CCDC73: variants seen among roughly 807,000 people sequenced by gnomAD.
CCDC73 encodes the protein coiled-coil domain-containing protein 73.
CCDC73 carries 95 observed loss-of-function variants against 116.5 expected under a neutral mutation model. That is an observed-to-expected ratio of 0.82 (90% CI 0.69 to 0.97). The LOEUF (loss-of-function observed/expected upper bound fraction) is 0.97, where lower values mean the gene tolerates loss of function less well. Among genes scored for constraint, CCDC73 ranks in the 50% least tolerant of loss-of-function variants. The pLI, the probability that CCDC73 is intolerant of heterozygous loss-of-function variation, is 0.00. For missense variants in CCDC73, 1,066 were observed against 1,206.8 expected (o/e 0.88, Z 1.73); for synonymous variants, 398 against 401.3 (o/e 0.99, Z 0.10).
At chr11:32,776,989 GTATATATATA>G (rs71063758) in intron 1 of CCDC73, among the ~76,000 whole-genome samples, 2,652 of 101,088 alleles carry the variant, frequency 0.026, 67 homozygotes, top group African/African-American at 0.067. Flanking sequence ...ATATACACAT[GTATATATATA>G]TATATATATA....
At chr11:32,721,047 C>T (rs1849985502) in intron 2 of CCDC73, among the ~76,000 whole-genome samples, 2 of 152,166 alleles carry the variant, frequency 1.3e-5, no homozygotes, top group African/African-American at 4.8e-5. Flanking sequence ...GAGACACAGT[C>T]TCGCTCTGTC....
At chr11:32,712,596 TGAAAAA>T (rs1849909789) in intron 3 of CCDC73, among the ~76,000 whole-genome samples, 1 of 151,850 alleles carries the variant, frequency 6.6e-6, no homozygotes, top group Admixed American at 6.6e-5. Context: ...GCATGAAAAC[TGAAAAA>T]GAAAAACTCA....
At chr11:32,820,310 G>A in the CCDC73 span, among the ~76,000 whole-genome samples, 121 of 151,922 alleles carry the variant, frequency 8.0e-4, no homozygotes, top group Middle Eastern at 3.4e-3. Context: ...GTGACACCAC[G>A]CCCCACTAAT....
the CCDC73 span, among the ~76,000 whole-genome samples, chr11:32,808,197 G>A: frequency 6.6e-6 from 1 of 152,142 alleles, no homozygotes; most frequent in Non-Finnish European, 1.5e-5. Flanking sequence ...AGGAATAGAT[G>A]TGTGGGAGAA....
chr11:32,764,262 A>C (rs1850420074), intron 1 of CCDC73, among the ~76,000 whole-genome samples: 1 of 152,184 alleles, frequency 6.6e-6, no homozygotes. Context: ...AATACAGAGA[A>C]CACCACAAAG....
chr11:32,648,757 G>T (rs1170424902), intron 12 of CCDC73, among the ~76,000 whole-genome samples: 1 of 152,116 alleles, frequency 6.6e-6, no homozygotes, highest in Non-Finnish European at 1.5e-5. Flanking sequence ...CACCATGTTG[G>T]TCAGGCTGGT....
intron 2 of CCDC73, among the ~76,000 whole-genome samples, chr11:32,751,570 T>C (rs973884528): frequency 2.0e-5 from 3 of 152,198 alleles, no homozygotes; most frequent in African/African-American, 4.8e-5. Flanking sequence ...TTCCGCCTGG[T>C]GTTGGCAGCA....
intron 9 of CCDC73, among the ~76,000 whole-genome samples, chr11:32,657,275 ATTGGTCTTAGTTCAAATATCACCT>A (rs1285700242): frequency 6.6e-6 from 1 of 152,220 alleles, no homozygotes; most frequent in African/African-American, 2.4e-5. Context: ...GAAAGGACTC[ATTGGTCTTAGTTCAAATATCACCT>A]TTGGATATGT....
chr11:32,703,950 T>C (rs1849833816), intron 3 of CCDC73, among the ~76,000 whole-genome samples: 1 of 152,234 alleles, frequency 6.6e-6, no homozygotes, highest in Non-Finnish European at 1.5e-5. Context: ...TTCTAAATAA[T>C]ACATTGAGTT....
chr11:32,692,952 T>G (rs1565077466), intron 6 of CCDC73, among the ~76,000 whole-genome samples: 1 of 152,214 alleles, frequency 6.6e-6, no homozygotes, highest in Non-Finnish European at 1.5e-5. Context: ...GTAATTTAGA[T>G]GTAAGAAGGT....
chr11:32,764,418 G>A (rs1418070839), intron 1 of CCDC73, among the ~76,000 whole-genome samples: 1 of 152,142 alleles, frequency 6.6e-6, no homozygotes, highest in African/African-American at 2.4e-5. Flanking sequence ...AGATCTCTCA[G>A]CAGAAACTCC....
intron 2 of CCDC73, among the ~76,000 whole-genome samples, chr11:32,736,785 G>T (rs1227976887): frequency 6.6e-6 from 1 of 151,874 alleles, no homozygotes; most frequent in Non-Finnish European, 1.5e-5. Flanking sequence ...TGATAGACTG[G>T]ATTAAGAAAA....
At chr11:32,632,795 T>A (rs1018356656) in intron 14 of CCDC73, among the ~76,000 whole-genome samples, 2 of 152,016 alleles carry the variant, frequency 1.3e-5, no homozygotes, top group South Asian at 2.1e-4. Flanking sequence ...TTTAACCGAA[T>A]GAAAATGAAA....
At chr11:32,666,583 G>T (rs2133277799) in intron 9 of CCDC73, among the ~76,000 whole-genome samples, 1 of 152,222 alleles carries the variant, frequency 6.6e-6, no homozygotes, top group Middle Eastern at 3.4e-3. Flanking sequence ...AAGGTTTTTA[G>T]CTTCTTTGCG....
At chr11:32,668,957 T>G (rs771805081) in intron 9 of CCDC73, among the ~76,000 whole-genome samples, 4 of 152,148 alleles carry the variant, frequency 2.6e-5, no homozygotes, top group Non-Finnish European at 4.4e-5. Context: ...AAGTACACAG[T>G]AGAAAACAAG....
intron 2 of CCDC73, among the ~76,000 whole-genome samples, chr11:32,759,166 T>C (rs1481760419): frequency 6.6e-6 from 1 of 151,870 alleles, no homozygotes; most frequent in Non-Finnish European, 1.5e-5. Flanking sequence ...TTCTATATCC[T>C]TATTGCAATA....
At chr11:32,799,496 A>G (rs576748774), upstream of CCDC73, among the ~76,000 whole-genome samples, 153 of 152,108 alleles carry the variant, frequency 1.0e-3, no homozygotes, top group Admixed American at 1.4e-3. Context: ...GGTTTTTTTT[A>G]ATGAATAGAA....
At chr11:32,684,202 C>T (rs1856173492) in intron 6 of CCDC73, among the ~76,000 whole-genome samples, 1 of 152,104 alleles carries the variant, frequency 6.6e-6, no homozygotes, top group South Asian at 2.1e-4. Flanking sequence ...TAGGAACATG[C>T]CACCACACCT....
intron 9 of CCDC73, among the ~76,000 whole-genome samples, chr11:32,666,538 G>A (rs116204263): frequency 0.025 from 3,760 of 152,228 alleles, 142 homozygotes; most frequent in African/African-American, 0.086. Context: ...TTCTAAACTG[G>A]TTATTCTAGT....
Sources: allele counts gnomAD v4.1 joint callset (sites outside exome capture counted in the v4.1 genomes callset), GRCh38; gene constraint gnomAD v4.1.1; transcripts MANE v1.5; gene names NCBI Gene and HGNC (gene_info 2026-07-23, HGNC 2026-07-21).